The following ZNF609 variants were observed in gnomAD, a reference collection of about 807,000 sequenced individuals.
The protein encoded by ZNF609 is zinc finger protein 609.
In ZNF609, 11 loss-of-function variants were observed where a neutral mutation model predicts 109.5. The observed-to-expected ratio is 0.10, with a 90% CI of 0.06 to 0.17. The LOEUF (loss-of-function observed/expected upper bound fraction) is 0.17. ZNF609 is among the 10% of genes least tolerant of loss of function. The pLI, the probability that ZNF609 is intolerant of heterozygous loss-of-function variation, is 1.00. For synonymous variants in ZNF609, 646 were observed against 662.0 expected (o/e 0.98, Z 0.37); for missense variants, 1,559 against 1,772.4 (o/e 0.88, Z 2.16).
intron 1 of ZNF609, among the ~76,000 whole-genome samples, chr15:64,483,408 G>A (rs1225554013): frequency 6.7e-6 from 1 of 148,852 alleles, no homozygotes; most frequent in Non-Finnish European, 1.5e-5. Flanking sequence ...TTTTTTTGAG[G>A]CAAGTTCTTA....
intron 2 of ZNF609, among the ~76,000 whole-genome samples, chr15:64,512,285 G>A (rs1256592431): frequency 6.6e-6 from 1 of 152,024 alleles, no homozygotes; most frequent in Non-Finnish European, 1.5e-5. Context: ...GAATTTTTAA[G>A]GCAAATTTAA....
rs1283549705 is a variant in ZNF609, at chr15:64,681,798, T to A, written c.*112T>A. The A allele has an allele frequency of 6.2e-6, 1 of 160,342 alleles. No homozygotes were observed. The highest frequency in any genetic ancestry group is 1.4e-5 in the Non-Finnish European group (1 of 73,094). The allele number at this position is 160,342 out of a possible 1,614,324, so 9.9% of individuals were successfully genotyped here. A position where few individuals can be genotyped will look rare whatever the true frequency, so the allele number is the denominator to read the frequency against. On this transcript the variant is annotated 3_prime_UTR_variant, in exon 10 of 10. Coordinates refer to ENST00000326648, the MANE Select transcript of ZNF609 (RefSeq NM_015042.2). ...CAGTTAAATGGTGTTGATCATCCTG[T>A]TTGCCGTTTCCACCATGACTGAAGG... is the stretch of plus-strand genomic sequence containing the variant.
chr15:64,608,366 A>G (rs1895647399), intron 2 of ZNF609, among the ~76,000 whole-genome samples: 2 of 152,202 alleles, frequency 1.3e-5, no homozygotes, highest in African/African-American at 4.8e-5. Context: ...GGTTTCCCCA[A>G]TGATAATATC....
intron 2 of ZNF609, among the ~76,000 whole-genome samples, chr15:64,513,364 A>T (rs1893761180): frequency 6.6e-6 from 1 of 152,214 alleles, no homozygotes. Flanking sequence ...TTGCTTGTAC[A>T]TATGTGCTTG....
chr15:64,512,662 T>A (rs553741621), intron 2 of ZNF609, among the ~76,000 whole-genome samples: 36 of 152,306 alleles, frequency 2.4e-4, no homozygotes, highest in Admixed American at 9.8e-4. Flanking sequence ...TTGATTTTTT[T>A]TAAAATAAAT....
intron 2 of ZNF609, among the ~76,000 whole-genome samples, chr15:64,621,390 C>A (rs1309936988): frequency 6.6e-6 from 1 of 151,798 alleles, no homozygotes; most frequent in East Asian, 1.9e-4. Flanking sequence ...CACTCTGTCA[C>A]CCAGACTGGA....
chr15:64,502,853 G>A (rs1893580520), intron 2 of ZNF609: 1 of 152,210 alleles, frequency 6.6e-6, no homozygotes, highest in Non-Finnish European at 1.5e-5. Flanking sequence ...GATTGCTTAA[G>A]CTCAGGAGTT....
chr15:64,659,491 T>C (rs930163855), intron 3 of ZNF609, among the ~76,000 whole-genome samples: 4 of 151,988 alleles, frequency 2.6e-5, no homozygotes, highest in Admixed American at 6.6e-5. Flanking sequence ...AATAGAGAGG[T>C]TGGTGATAAG....
At chr15:64,483,625 A>G (rs1305267465) in intron 1 of ZNF609, among the ~76,000 whole-genome samples, 3 of 151,660 alleles carry the variant, frequency 2.0e-5, no homozygotes, top group Non-Finnish European at 4.4e-5. Flanking sequence ...AGCTCAGATG[A>G]CCCTCCCACC....
intron 2 of ZNF609, among the ~76,000 whole-genome samples, chr15:64,543,781 A>T (rs899887695): frequency 3.3e-5 from 5 of 152,200 alleles, no homozygotes; most frequent in Non-Finnish European, 7.4e-5. Context: ...TTCTATTTTA[A>T]GAAGCAATCA....
chr15:64,520,751 A>G (rs1423204315), intron 2 of ZNF609, among the ~76,000 whole-genome samples: 4 of 152,198 alleles, frequency 2.6e-5, no homozygotes, highest in Admixed American at 2.6e-4. Flanking sequence ...TGACTTCCAA[A>G]TGTCTCTTCA....
In ZNF609 at chr15:64,499,415, C is replaced by T; in HGVS notation, c.-5C>T. The T allele has an allele frequency of 6.2e-7, 1 of 1,611,224 alleles. No homozygotes were observed. The highest frequency in any genetic ancestry group is 1.1e-5 in the South Asian group (1 of 90,848). On this transcript the variant is annotated 5_prime_UTR_variant, in exon 2 of 10. Transcript: ENST00000326648. Reference sequence around the variant, plus strand: ...TGAATCTTGAGGTGGGACGTTGACTCTAAGATGTCCTTGAGCAGTGGAGCC... The same window carrying T: ...TGAATCTTGAGGTGGGACGTTGACTTTAAGATGTCCTTGAGCAGTGGAGCC...
intron 2 of ZNF609, among the ~76,000 whole-genome samples, chr15:64,579,460 C>G (rs546017977): frequency 6.6e-6 from 1 of 151,228 alleles, no homozygotes; most frequent in East Asian, 1.9e-4. Flanking sequence ...CACCTGAAAT[C>G]CCAGGTGCGG....
intron 2 of ZNF609, among the ~76,000 whole-genome samples, chr15:64,612,646 T>A (rs576760905): frequency 0.011 from 1,197 of 110,484 alleles, 20 homozygotes; most frequent in African/African-American, 0.031. Context: ...TTTTTTTTTT[T>A]AATTTATTTT....
intron 2 of ZNF609, among the ~76,000 whole-genome samples, chr15:64,587,793 T>C (rs1895222155): frequency 6.6e-6 from 1 of 152,096 alleles, no homozygotes. Flanking sequence ...AAATTACTCC[T>C]GATTGTCTAT....
chr15:64,539,208 T>C (rs775476076), intron 2 of ZNF609, among the ~76,000 whole-genome samples: 1 of 149,718 alleles, frequency 6.7e-6, no homozygotes, highest in Non-Finnish European at 1.5e-5. Flanking sequence ...ATTTATTTAT[T>C]ATTTTTTATT....
intron 1 of ZNF609, among the ~76,000 whole-genome samples, chr15:64,468,108 C>T (rs1223527971): frequency 6.6e-6 from 1 of 151,702 alleles, no homozygotes; most frequent in African/African-American, 2.4e-5. Flanking sequence ...GCTCAACCTC[C>T]TGAGCTCAAG....
chr15:64,621,704 C>T (rs1895878745), intron 2 of ZNF609, among the ~76,000 whole-genome samples: 1 of 151,914 alleles, frequency 6.6e-6, no homozygotes, highest in Admixed American at 6.6e-5. Flanking sequence ...CTTCTTGGAA[C>T]CTAACTAATT....
At chr15:64,597,030 A>T (rs1895408137) in intron 2 of ZNF609, among the ~76,000 whole-genome samples, 2 of 152,050 alleles carry the variant, frequency 1.3e-5, no homozygotes, top group African/African-American at 4.8e-5. Context: ...CTTCTCTGTG[A>T]CTTCTCACCT....
Sources: allele counts gnomAD v4.1 joint callset (sites outside exome capture counted in the v4.1 genomes callset), GRCh38; gene constraint gnomAD v4.1.1; transcripts MANE v1.5; gene names NCBI Gene and HGNC (gene_info 2026-07-23, HGNC 2026-07-21).